The following CHLSN variants were observed in gnomAD, a reference collection of about 807,000 sequenced individuals.
CHLSN encodes the protein cholesin, also known as protein cholesin.
At chr7:998,027 A>G in the CHLSN span, among the ~76,000 whole-genome samples, 1 of 152,282 alleles carries the variant, frequency 6.6e-6, no homozygotes, top group Non-Finnish European at 1.5e-5. Flanking sequence ...TGGGTAAAAC[A>G]GAAGCCATGT....
the CHLSN span, among the ~76,000 whole-genome samples, chr7:1,119,324 C>A: frequency 6.6e-6 from 1 of 152,194 alleles, no homozygotes; most frequent in Non-Finnish European, 1.5e-5. Context: ...GGGGCTCACA[C>A]CTGTATTCCC....
the CHLSN span, among the ~76,000 whole-genome samples, chr7:1,070,670 C>T: frequency 1.7e-3 from 253 of 149,310 alleles, 1 homozygote; most frequent in South Asian, 8.3e-3. Context: ...CACGCACATA[C>T]GCACACGTGC....
the CHLSN span, among the ~76,000 whole-genome samples, chr7:1,031,396 G>A: frequency 8.8e-5 from 8 of 90,660 alleles, no homozygotes; most frequent in African/African-American, 3.5e-4. Flanking sequence ...TGGTCCGGGG[G>A]GGCAGAGACC....
At chr7:984,634 G>A in the CHLSN span, 1 of 1,511,976 alleles carries the variant, frequency 6.6e-7, no homozygotes, top group Non-Finnish European at 8.8e-7. Context: ...GACCCCAGGA[G>A]GGGTGGGGGC....
At chr7:1,111,399 A>G in the CHLSN span, among the ~76,000 whole-genome samples, 3 of 152,236 alleles carry the variant, frequency 2.0e-5, no homozygotes, top group African/African-American at 4.8e-5. Flanking sequence ...ACTTTAAGGG[A>G]AAGACATAAA....
At chr7:1,108,757 C>G in the CHLSN span, among the ~76,000 whole-genome samples, 1 of 152,182 alleles carries the variant, frequency 6.6e-6, no homozygotes, top group African/African-American at 2.4e-5. Context: ...ACGCCCCTAC[C>G]GTGTGCACCC....
chr7:992,501 C>G, the CHLSN span, among the ~76,000 whole-genome samples: 1 of 152,202 alleles, frequency 6.6e-6, no homozygotes, highest in Non-Finnish European at 1.5e-5. Flanking sequence ...CCCAAGTGAC[C>G]CAAGGGAGCT....
At chr7:999,400 C>T in the CHLSN span, among the ~76,000 whole-genome samples, 15,537 of 148,752 alleles carry the variant, frequency 0.1, 825 homozygotes, top group African/African-American at 0.16. Flanking sequence ...GCCCCAGTGT[C>T]GCGATTACCG....
At chr7:1,037,079 C>T in the CHLSN span, among the ~76,000 whole-genome samples, 5 of 147,410 alleles carry the variant, frequency 3.4e-5, no homozygotes, top group African/African-American at 1.2e-4. Flanking sequence ...CCACTGCACT[C>T]CAGCCTGGGT....
At chr7:1,092,418 C>T in the CHLSN span, 44 of 1,608,502 alleles carry the variant, frequency 2.7e-5, no homozygotes, top group South Asian at 1.7e-4. Flanking sequence ...TCGCCATCAT[C>T]GGCCTGTGCT....
chr7:1,092,816 G>A, the CHLSN span: 1 of 1,613,418 alleles, frequency 6.2e-7, no homozygotes, highest in South Asian at 1.1e-5. Flanking sequence ...ATTCCAGACA[G>A]CACCGAGCAG....
the CHLSN span, among the ~76,000 whole-genome samples, chr7:1,000,891 G>A: frequency 9.0e-3 from 1,370 of 152,334 alleles, 8 homozygotes; most frequent in Non-Finnish European, 0.015. Flanking sequence ...GTTTCTCTGG[G>A]AGGAAAGGGA....
chr7:1,028,602 C>T, the CHLSN span: 2 of 983,746 alleles, frequency 2.0e-6, no homozygotes, highest in South Asian at 9.4e-5. Flanking sequence ...GGCGCACCCC[C>T]GCCCGCGCAG....
At chr7:988,265 C>G in the CHLSN span, 12 of 1,565,926 alleles carry the variant, frequency 7.7e-6, no homozygotes, top group Non-Finnish European at 9.5e-6. Context: ...TGTGCCCCGG[C>G]TGCCCCCACA....
At chr7:1,137,906 C>A in the CHLSN span, 2 of 152,226 alleles carry the variant, frequency 1.3e-5, no homozygotes, top group Non-Finnish European at 2.9e-5. Flanking sequence ...CAAGCCCTGA[C>A]GGCCTGAAAC....
At chr7:1,099,029 C>T in the CHLSN span, among the ~76,000 whole-genome samples, 5 of 152,380 alleles carry the variant, frequency 3.3e-5, no homozygotes, top group Admixed American at 6.5e-5. Context: ...CCCATTCAAG[C>T]GCCGGGCTGT....
the CHLSN span, among the ~76,000 whole-genome samples, chr7:1,098,761 T>C: frequency 3.3e-5 from 5 of 152,080 alleles, no homozygotes; most frequent in Admixed American, 2.6e-4. Flanking sequence ...CGTCCGCCAA[T>C]GTGAAACGTG....
At chr7:1,126,837 G>A in the CHLSN span, among the ~76,000 whole-genome samples, 2 of 152,266 alleles carry the variant, frequency 1.3e-5, no homozygotes, top group Non-Finnish European at 2.9e-5. Flanking sequence ...GACAATAATC[G>A]TGTTATTCGA....
At chr7:1,061,631 C>A in the CHLSN span, among the ~76,000 whole-genome samples, 1 of 152,188 alleles carries the variant, frequency 6.6e-6, no homozygotes, top group Non-Finnish European at 1.5e-5. Flanking sequence ...CTCCTGCCGC[C>A]CCTGAGAGAT....
Sources: allele counts gnomAD v4.1 joint callset (sites outside exome capture counted in the v4.1 genomes callset), GRCh38; gene constraint gnomAD v4.1.1; transcripts MANE v1.5; gene names NCBI Gene and HGNC (gene_info 2026-07-23, HGNC 2026-07-21).